The following CNTN4 variants were observed in gnomAD, a reference collection of about 807,000 sequenced individuals.
CNTN4 encodes contactin-4.
A neutral mutation model predicts 122.5 loss-of-function variants in CNTN4; 77 were observed. The ratio of observed to expected loss-of-function variants is 0.63; its 90% CI spans 0.52 to 0.76. The LOEUF is 0.76. Ranked by LOEUF, CNTN4 falls within the 30% of genes least tolerant of loss-of-function variation. CNTN4 has a pLI of 0.00. For missense variants in CNTN4, 1,256 were observed against 1,259.1 expected, an observed-to-expected ratio of 1.00 and a Z score of 0.04; for synonymous variants, 512 against 447.0, an observed-to-expected ratio of 1.15 and a Z score of -1.83.
At chr3:2,894,955 A>G (rs17646659) in intron 10 of CNTN4, among the ~76,000 whole-genome samples, 12,253 of 152,208 alleles carry the variant, frequency 0.081, 650 homozygotes, top group Middle Eastern at 0.17. Context: ...AAAGTAAGAG[A>G]TGTAGGTAAA....
Position 2,506,287 on chromosome 3 carries a change from C to T in CNTN4, c.-88-65129C>T, listed in dbSNP as rs182741042. Among the ~76,000 whole-genome samples the T allele has an allele frequency of 4.6e-5, 7 of 152,304 alleles. No individual in the cohort carries two copies. In the East Asian group the frequency reaches 9.7e-4, roughly 21 times the overall value. Reference sequence around the variant, plus strand: ...CTCTGCTATCTACCTAGCGCCTACACGCCCTGGAGCCGACAAAAGAGCTCA... The same window carrying T: ...CTCTGCTATCTACCTAGCGCCTACATGCCCTGGAGCCGACAAAAGAGCTCA... On this transcript the variant is annotated intron_variant, in intron 3 of 24. Coordinates refer to ENST00000418658, the MANE Select transcript of CNTN4 (RefSeq NM_175607.3).
chr3:2,431,280 G>A (rs533221195), intron 3 of CNTN4, among the ~76,000 whole-genome samples: 13 of 152,260 alleles, frequency 8.5e-5, no homozygotes, highest in South Asian at 4.1e-4. Flanking sequence ...GTGTGTGTCC[G>A]TGAGAAAAGC....
At position 2,613,029 on chromosome 3, in the gene CNTN4, C is replaced by T. The variant is rs993277097; in HGVS notation, c.55+41471C>T. ...AGAACACAATGTTGTAGAAGTATTT[C>T]TTGTATATTGTGCCAGGGGCTTTGT... On this transcript the variant is annotated intron_variant, in intron 4 of 24. Transcript: ENST00000418658. Among the ~76,000 whole-genome samples, 25 of 152,184 alleles carry T rather than the reference C, an allele frequency of 1.6e-4. 1 individual carries two copies. The highest frequency in any genetic ancestry group is 6.0e-4 in the African/African-American group (25 of 41,548).
At chr3:2,490,240 C>A (rs1027759406) in intron 3 of CNTN4, among the ~76,000 whole-genome samples, 1 of 152,230 alleles carries the variant, frequency 6.6e-6, no homozygotes, top group Non-Finnish European at 1.5e-5. Context: ...GCATGGCTTT[C>A]TGCCGGTGTA....
At chr3:2,942,266 T>C (rs1436435961) in intron 13 of CNTN4, among the ~76,000 whole-genome samples, 1 of 151,822 alleles carries the variant, frequency 6.6e-6, no homozygotes, top group Non-Finnish European at 1.5e-5. Context: ...ATTTAGGGAG[T>C]TGGAATAATG....
intron 3 of CNTN4, among the ~76,000 whole-genome samples, chr3:2,389,228 A>G (rs1434803635): frequency 1.3e-5 from 2 of 151,666 alleles, no homozygotes; most frequent in African/African-American, 4.8e-5. Flanking sequence ...TTGTGCCTCC[A>G]AAGAATACCC....
intron 6 of CNTN4, among the ~76,000 whole-genome samples, chr3:2,816,486 C>G (rs2092733803): frequency 6.6e-6 from 1 of 151,902 alleles, no homozygotes; most frequent in Non-Finnish European, 1.5e-5. Context: ...GTGTATACTG[C>G]TTGGGTGATG....
chr3:2,269,866 C>T (rs966964673), intron 2 of CNTN4, among the ~76,000 whole-genome samples: 3 of 151,964 alleles, frequency 2.0e-5, no homozygotes, highest in African/African-American at 7.3e-5. Context: ...TAGTAGTTGC[C>T]ACCACCCCCC....
chr3:2,231,285 C>G (rs1343012374), intron 2 of CNTN4, among the ~76,000 whole-genome samples: 1 of 152,150 alleles, frequency 6.6e-6, no homozygotes, highest in Non-Finnish European at 1.5e-5. Context: ...CAGCTTGGCT[C>G]TGAATAGCAT....
chr3:2,616,526 T>C (rs927011089), intron 4 of CNTN4, among the ~76,000 whole-genome samples: 3 of 152,210 alleles, frequency 2.0e-5, no homozygotes, highest in Non-Finnish European at 4.4e-5. Context: ...ATGGCATTTC[T>C]AGTTCTAGAT....
chr3:2,631,572 A>G (rs1027155445), intron 4 of CNTN4, among the ~76,000 whole-genome samples: 53 of 152,102 alleles, frequency 3.5e-4, no homozygotes, highest in African/African-American at 1.2e-3. Context: ...CAATGATCAT[A>G]GTTTTGATAA....
At chr3:2,422,739 T>C (rs2047661046) in intron 3 of CNTN4, among the ~76,000 whole-genome samples, 1 of 152,210 alleles carries the variant, frequency 6.6e-6, no homozygotes, top group Admixed American at 6.5e-5. Context: ...TAGAGATCTT[T>C]TGACATAAAG....
intron 2 of CNTN4, among the ~76,000 whole-genome samples, chr3:2,170,096 A>T (rs13098682): frequency 3.7e-4 from 56 of 150,646 alleles, no homozygotes; most frequent in East Asian, 9.8e-4. Flanking sequence ...CCGAGGCGGG[A>T]GGATCACAAG....
chr3:2,614,549 T>C (rs1302000981), intron 4 of CNTN4, among the ~76,000 whole-genome samples: 1 of 152,084 alleles, frequency 6.6e-6, no homozygotes, highest in Non-Finnish European at 1.5e-5. Context: ...TGTACAAAAA[T>C]TGAACAGATT....
At position 2,398,691 on chromosome 3, in the gene CNTN4, A is replaced by C. The variant is rs568616668; in HGVS notation, c.-89+59458A>C. The stretch of plus-strand genomic sequence containing the variant: ...TTAAAACAAAATTATCTTGATAAGC[A>C]TCTCCAAAATCACATTTCTGGCCCA... On this transcript the variant is annotated intron_variant, in intron 3 of 24. Transcript: ENST00000418658. 8.5e-5 allele frequency among the ~76,000 whole-genome samples: 13 copies of C among 152,288 alleles called. No individual in the cohort carries two copies. In the East Asian group the frequency reaches 2.5e-3, roughly 29 times the overall value.
At chr3:2,249,280 A>T (rs1207093049) in intron 2 of CNTN4, among the ~76,000 whole-genome samples, 5 of 151,922 alleles carry the variant, frequency 3.3e-5, no homozygotes, top group Admixed American at 2.0e-4. Context: ...ATGAAAAATG[A>T]AAAGTCACAT....
At chr3:2,905,079 C>T (rs1280364195) in intron 12 of CNTN4, among the ~76,000 whole-genome samples, 1 of 152,030 alleles carries the variant, frequency 6.6e-6, no homozygotes. Context: ...CACAGCCCTC[C>T]CCTCTCTCCC....
chr3:2,501,276 C>A (rs1041180674), intron 3 of CNTN4, among the ~76,000 whole-genome samples: 1 of 152,140 alleles, frequency 6.6e-6, no homozygotes, highest in Non-Finnish European at 1.5e-5. Flanking sequence ...ACTAGACCAC[C>A]ACTAGGAAGT....
chr3:2,473,434 T>C (rs2075750594), intron 3 of CNTN4, among the ~76,000 whole-genome samples: 1 of 152,148 alleles, frequency 6.6e-6, no homozygotes, highest in African/African-American at 2.4e-5. Flanking sequence ...CCCAAAGCAG[T>C]GTACTCCAAT....
Sources: allele counts gnomAD v4.1 joint callset (sites outside exome capture counted in the v4.1 genomes callset), GRCh38; gene constraint gnomAD v4.1.1; transcripts MANE v1.5; gene names NCBI Gene and HGNC (gene_info 2026-07-23, HGNC 2026-07-21).